GPC4: variants seen among roughly 807,000 people sequenced by gnomAD.
GPC4 encodes glypican 4.
In GPC4, 10 loss-of-function variants were observed where a neutral mutation model predicts 35.0. The observed-to-expected ratio is 0.29, with a 90% confidence interval of 0.18 to 0.48. The LOEUF (loss-of-function observed/expected upper bound fraction) is 0.48, where lower values mean the gene tolerates loss of function less well. Among genes scored for constraint, GPC4 ranks in the 20% least tolerant of loss-of-function variants. GPC4 has a pLI of 0.99. For synonymous variants in GPC4, 167 were observed against 170.2 expected (o/e 0.98, Z 0.15); for missense variants, 322 against 451.3 (o/e 0.71, Z 2.60).
chrX:133,347,601 C>T (rs772400692), intron 1 of GPC4, among the ~76,000 whole-genome samples: 5 of 110,898 alleles, frequency 4.5e-5, no homozygotes, highest in Non-Finnish European at 9.4e-5. Context: ...TATATAACTC[C>T]AGCCCCTCTA....
At chrX:133,414,778 C>T (rs765558246) in intron 1 of GPC4, 28 bp downstream of exon 1, 1 of 1,202,943 alleles carries the variant, frequency 8.3e-7, no homozygotes, top group Non-Finnish European at 1.1e-6. Context: ...TCGGTCTCTG[C>T]GCCCACCTCC....
intron 1 of GPC4, among the ~76,000 whole-genome samples, chrX:133,392,984 T>G (rs1280630279): frequency 2.7e-5 from 3 of 112,232 alleles, no homozygotes; most frequent in Non-Finnish European, 5.6e-5. Flanking sequence ...TGGAAGCCAA[T>G]GACACAGGAA....
intron 1 of GPC4, among the ~76,000 whole-genome samples, chrX:133,389,809 T>C (rs1031208678): frequency 1.8e-5 from 2 of 111,822 alleles, no homozygotes; most frequent in African/African-American, 6.5e-5. Flanking sequence ...TTGGACCTGA[T>C]AGCCTGAAAG....
chrX:133,384,016 G>A (rs2068676345), intron 1 of GPC4, among the ~76,000 whole-genome samples: 1 of 111,593 alleles, frequency 9.0e-6, no homozygotes. Context: ...CTGTACTATT[G>A]TAACAATACA....
At chrX:133,321,781 T>C (rs1461443671) in intron 3 of GPC4, among the ~76,000 whole-genome samples, 1 of 111,906 alleles carries the variant, frequency 8.9e-6, no homozygotes. Context: ...TCAGATATTA[T>C]TCCTTTAATT....
chrX:133,332,968 T>C (rs896926899), intron 2 of GPC4, among the ~76,000 whole-genome samples: 6 of 112,527 alleles, frequency 5.3e-5, no homozygotes, highest in Non-Finnish European at 1.1e-4. Flanking sequence ...GGTGTGTCCA[T>C]GTACCATCCT....
chrX:133,355,413 C>T (rs763398123), intron 1 of GPC4, among the ~76,000 whole-genome samples: 1 of 111,908 alleles, frequency 8.9e-6, no homozygotes, highest in Non-Finnish European at 1.9e-5. Context: ...AGCATTGTTT[C>T]GTTATTATGA....
At position 133,305,625 on chromosome X, in the gene GPC4, C is replaced by G. The variant is rs775475945; in HGVS notation, c.1155+147G>C. On this transcript the variant is annotated intron_variant, in intron 6 of 8. Coordinates refer to ENST00000370828, the MANE Select transcript of GPC4 (RefSeq NM_001448.3). Reference sequence around the variant, plus strand: ...TTTCTGGGCTAGAAAATGGGACAGGCAGATTGACTGACATCCACATCCTAT... The same window carrying G: ...TTTCTGGGCTAGAAAATGGGACAGGGAGATTGACTGACATCCACATCCTAT... 11 of 734,902 alleles carry G rather than the reference C, an allele frequency of 1.5e-5. No individual in the cohort carries two copies. The South Asian group carries it at 2.9e-4, about 19-fold the overall frequency. The allele number at this position is 734,902 out of a possible 1,213,427, so 60.6% of individuals were successfully genotyped here.
intron 1 of GPC4, among the ~76,000 whole-genome samples, chrX:133,341,094 G>A (rs2206623): frequency 0.019 from 2,171 of 111,693 alleles, 54 homozygotes; most frequent in African/African-American, 0.067. Context: ...GCTAAGGCTC[G>A]GTTTTATGGA....
At chrX:133,354,167 T>A (rs140972428) in intron 1 of GPC4, among the ~76,000 whole-genome samples, 3,665 of 111,703 alleles carry the variant, frequency 0.033, 171 homozygotes, top group African/African-American at 0.11. Context: ...AAACACATAA[T>A]GGTATGCAGT....
chrX:133,374,495 G>A (rs1386311694), intron 1 of GPC4, among the ~76,000 whole-genome samples: 3 of 111,695 alleles, frequency 2.7e-5, no homozygotes, highest in African/African-American at 9.8e-5. Flanking sequence ...ATTTAAAAGT[G>A]TTAAATCGCA....
intron 3 of GPC4, among the ~76,000 whole-genome samples, chrX:133,320,884 A>C (rs1387226045): frequency 1.8e-5 from 2 of 108,622 alleles, no homozygotes; most frequent in Admixed American, 1.0e-4. Context: ...ACAAAAACCC[A>C]AAAATTACCC....
chrX:133,312,173 A>G (rs1393608893), intron 3 of GPC4, among the ~76,000 whole-genome samples: 1 of 111,157 alleles, frequency 9.0e-6, no homozygotes, highest in Non-Finnish European at 1.9e-5. Flanking sequence ...ACAAAGGGAG[A>G]GCATCCTGAG....
intron 1 of GPC4, among the ~76,000 whole-genome samples, chrX:133,398,730 T>A (rs1429434095): frequency 9.3e-6 from 1 of 107,020 alleles, no homozygotes; most frequent in Admixed American, 1.0e-4. Flanking sequence ...ATTGTGCCAC[T>A]GCACTTTAGC....
At position 133,339,320 on chromosome X, in the gene GPC4, G is replaced by C. The variant is rs753012438; in HGVS notation, c.182C>G (p.Pro61Arg). The C allele has an allele frequency of 5.8e-6, 7 of 1,208,926 alleles. No individual in the cohort carries two copies. In the South Asian group the frequency reaches 1.2e-4, roughly 21 times the overall value. Residue 61 changes from proline to arginine, a missense_variant, in exon 2 of 9, where the codon CCC (proline) becomes CGC (arginine). Physicochemically the swap from Pro to Arg is moderately radical, Grantham distance 103 (BLOSUM62 -2). Transcript: ENST00000370828. ...TTGAGAGCAGCAGGTAGAACCCTGG[G>C]GACAGATCTTCAAATGATCACCTGC... ...EINGDHLKIC[P>R]QGSTCCSQEM...
At position 133,359,525 on chromosome X, in the gene GPC4, G is replaced by T. The variant is rs774227964; in HGVS notation, c.161-20184C>A. Among the ~76,000 whole-genome samples, 28 of 112,024 alleles carry T rather than the reference G, an allele frequency of 2.5e-4. No individual in the cohort carries two copies. In the South Asian group the frequency reaches 0.011, roughly 42 times the overall value. Reference sequence around the variant, plus strand: ...ATCTAGGCAGGAGCAACTTGCAAGAGATTGCAAAGGCTATAGTAAGAGGCT... The same window carrying T: ...ATCTAGGCAGGAGCAACTTGCAAGATATTGCAAAGGCTATAGTAAGAGGCT... On this transcript the variant is annotated intron_variant, in intron 1 of 8. Transcript: ENST00000370828.
At chrX:133,411,737 C>T (rs1217679359) in intron 1 of GPC4, among the ~76,000 whole-genome samples, 2 of 111,538 alleles carry the variant, frequency 1.8e-5, no homozygotes, top group Non-Finnish European at 3.8e-5. Context: ...TCCAAAAGTA[C>T]ATGGCCATTG....
chrX:133,303,894 ACT>A (rs2068278844), intron 7 of GPC4, among the ~76,000 whole-genome samples: 2 of 65,852 alleles, frequency 3.0e-5, no homozygotes, highest in African/African-American at 1.6e-4. Context: ...TGACAGTGAT[ACT>A]CTGTTGGAGG....
At chrX:133,341,675 T>G (rs964827585) in intron 1 of GPC4, among the ~76,000 whole-genome samples, 1 of 111,092 alleles carries the variant, frequency 9.0e-6, no homozygotes, top group African/African-American at 3.3e-5. Context: ...CCAGTGTACA[T>G]GGGTACATGC....
Sources: gnomAD v4.1 joint callset for allele counts (sites outside exome capture counted in the v4.1 genomes callset) on GRCh38, gnomAD v4.1.1 for gene constraint, MANE v1.5 for transcripts, NCBI Gene and HGNC (gene_info 2026-07-23, HGNC 2026-07-21) for gene names.